FGF2: variants seen among roughly 807,000 people sequenced by gnomAD.
The protein encoded by FGF2 is basic fibroblast growth factor bFGF.
FGF2 carries 13 observed loss-of-function variants against 15.9 expected under a neutral mutation model. The ratio of observed to expected loss-of-function variants is 0.82; its 90% confidence interval spans 0.53 to 1.30. FGF2 has a LOEUF of 1.30. Among genes scored for constraint, FGF2 ranks in the 50% most tolerant of loss-of-function variants. The pLI is 0.00. For synonymous variants in FGF2, 90 were observed against 78.4 expected (o/e 1.15, Z -0.78); for missense variants, 163 against 196.9 (o/e 0.83, Z 1.03).
intron 1 of FGF2, among the ~76,000 whole-genome samples, chr4:122,860,232 A>G (rs561240748): frequency 1.6e-4 from 25 of 152,248 alleles, no homozygotes; most frequent in African/African-American, 5.5e-4. Context: ...TTTAATAACT[A>G]ACAGTTCTAA....
chr4:122,826,873 C>T lies in FGF2; in HGVS notation c.-302C>T, dbSNP rs537528863. On this transcript the variant is annotated 5_prime_UTR_variant, in exon 1 of 3. Coordinates refer to ENST00000644866, the MANE Select transcript of FGF2 (RefSeq NM_001361665.2). ...GGTGCCCGCGGTTGCAACGGGATCC[C>T]GGGCGCTGCAGCTTGGGAGGCGGCT... 1.3e-6 allele frequency: 2 copies of T among 1,522,300 alleles called. No individual in the cohort carries two copies. Among genetic ancestry groups the T allele is most frequent in the South Asian group, 1.2e-5 (1 of 81,642 alleles). The allele number at this position is 1,522,300 out of a possible 1,614,324, so 94.3% of individuals were successfully genotyped here.
intron 1 of FGF2, among the ~76,000 whole-genome samples, chr4:122,854,941 C>T (rs1329278138): frequency 1.3e-5 from 2 of 152,126 alleles, no homozygotes; most frequent in African/African-American, 4.8e-5. Flanking sequence ...AGCTTCCCTT[C>T]CCCACCCTGT....
chr4:122,838,103 G>T (rs531358406), intron 1 of FGF2, among the ~76,000 whole-genome samples: 1 of 152,260 alleles, frequency 6.6e-6, no homozygotes, highest in South Asian at 2.1e-4. Context: ...GAAGGTGTTG[G>T]ATTGAAAAAT....
chr4:122,836,739 A>G (rs562231161), intron 1 of FGF2, among the ~76,000 whole-genome samples: 2 of 152,250 alleles, frequency 1.3e-5, no homozygotes, highest in African/African-American at 4.8e-5. Flanking sequence ...TAAATACTAT[A>G]GTATGAGGCA....
intron 1 of FGF2, among the ~76,000 whole-genome samples, chr4:122,849,824 T>C (rs1726192149): frequency 6.6e-6 from 1 of 152,152 alleles, no homozygotes; most frequent in South Asian, 2.1e-4. Context: ...TAACCAGGGA[T>C]ATGCCCAAGT....
At chr4:122,847,541 C>G (rs975786689) in intron 1 of FGF2, among the ~76,000 whole-genome samples, 1 of 152,032 alleles carries the variant, frequency 6.6e-6, no homozygotes, top group Non-Finnish European at 1.5e-5. Flanking sequence ...CCTAGCAACT[C>G]GATTTTTAGG....
At chr4:122,849,887 A>G (rs1726192987) in intron 1 of FGF2, among the ~76,000 whole-genome samples, 1 of 152,218 alleles carries the variant, frequency 6.6e-6, no homozygotes, top group South Asian at 2.1e-4. Context: ...TATTGCTAAT[A>G]ACACCAGTTT....
chr4:122,829,623 G>C (rs1448472049), intron 1 of FGF2, among the ~76,000 whole-genome samples: 1 of 152,008 alleles, frequency 6.6e-6, no homozygotes, highest in Non-Finnish European at 1.5e-5. Flanking sequence ...GTTCTTTAGT[G>C]GTGATTTGTG....
intron 2 of FGF2, among the ~76,000 whole-genome samples, chr4:122,879,457 T>C (rs1176689202): frequency 6.6e-6 from 1 of 152,240 alleles, no homozygotes; most frequent in Admixed American, 6.5e-5. Context: ...TAACTAACTA[T>C]GGACAGCACT....
chr4:122,827,418 C>T lies in FGF2; in HGVS notation c.178+66C>T. 1 of 1,541,550 alleles carries T rather than the reference C, an allele frequency of 6.5e-7. No homozygotes were observed. Among genetic ancestry groups the T allele is most frequent in the African/African-American group, 1.4e-5 (1 of 73,514 alleles). On this transcript the variant is annotated intron_variant, in intron 1 of 2. Coordinates refer to ENST00000644866, the MANE Select transcript of FGF2 (RefSeq NM_001361665.2). This position sits in a 1 kb window ranked among gnomAD's most constrained non-coding sequence, Gnocchi z 4.2. ...TGGGTTCTCGCCCGCTCTCTCCCCT[C>T]CAGCCTGCACCCTCCTCCCGGATCT...
chr4:122,836,488 T>C (rs1038562337), intron 1 of FGF2, among the ~76,000 whole-genome samples: 1 of 152,234 alleles, frequency 6.6e-6, no homozygotes, highest in African/African-American at 2.4e-5. Flanking sequence ...TAGCTTGTTG[T>C]ATTTTAATTT....
intron 1 of FGF2, among the ~76,000 whole-genome samples, chr4:122,850,728 C>G (rs937261132): frequency 3.3e-5 from 5 of 152,124 alleles, no homozygotes; most frequent in Admixed American, 2.0e-4. Context: ...TCTTAGCGCT[C>G]TCTTCAGAGA....
In FGF2 at chr4:122,827,252, C is replaced by T. The variant is rs747774875; in HGVS notation, c.78C>T (p.Phe26=). 39 of 1,612,496 alleles carry T rather than the reference C, an allele frequency of 2.4e-5. 1 individual carries two copies. The highest frequency in any genetic ancestry group is 1.7e-4 in the Middle Eastern group (1 of 6,042). The change falls in exon 1 of 3, where the codon TTC becomes TTT. Residue 26 remains phenylalanine (F), a synonymous_variant. Transcript: ENST00000644866. This position sits in a 1 kb window ranked among gnomAD's most constrained non-coding sequence, Gnocchi z 4.2. The part of the protein sequence containing the change: ...GGSGAFPPGH[F]KDPKRLYCKN... ...GCGGCGCCTTCCCGCCCGGCCACTTCAAGGACCCCAAGCGGCTGTACTGCA... is the reference window on the plus strand; with the variant it reads ...GCGGCGCCTTCCCGCCCGGCCACTTTAAGGACCCCAAGCGGCTGTACTGCA...
chr4:122,875,326 T>G (rs1471632656), intron 1 of FGF2, among the ~76,000 whole-genome samples: 2 of 151,954 alleles, frequency 1.3e-5, no homozygotes, highest in Non-Finnish European at 2.9e-5. Flanking sequence ...GGATCTTATT[T>G]TATGAAAATC....
chr4:122,882,821 T>C (rs1436866867), intron 2 of FGF2: 1 of 152,320 alleles, frequency 6.6e-6, no homozygotes, highest in East Asian at 1.9e-4. Context: ...CTTGATGTCA[T>C]GCCTTTTCAG....
In FGF2 at chr4:122,896,548, C is replaced by CT. The variant is rs1560765057; in HGVS notation, c.*4153dup. 1 of 152,138 alleles carries CT rather than the reference C, an allele frequency of 6.6e-6. No homozygotes were observed. The highest frequency in any genetic ancestry group is 1.5e-5 in the Non-Finnish European group (1 of 68,020). 9.4% of individuals were successfully genotyped at this position (152,138 alleles called of 1,614,324 possible). Reference sequence around the variant, plus strand: ...ATTAGGCTGTAGAACAAATGGCCTTCTCTTTCAGCATTCACACCACTACAA... The same window carrying CT: ...ATTAGGCTGTAGAACAAATGGCCTTCTTCTTTCAGCATTCACACCACTACAA... On this transcript the variant is annotated 3_prime_UTR_variant, in exon 3 of 3. Coordinates refer to ENST00000644866, the MANE Select transcript of FGF2 (RefSeq NM_001361665.2).
intron 1 of FGF2, among the ~76,000 whole-genome samples, chr4:122,855,539 C>A (rs1477639541): frequency 6.6e-6 from 1 of 152,180 alleles, no homozygotes; most frequent in East Asian, 1.9e-4. Context: ...ATACTGACTT[C>A]CTCAAAGGCC....
At chr4:122,878,124 G>A (rs1726893704) in intron 2 of FGF2, among the ~76,000 whole-genome samples, 3 of 152,164 alleles carry the variant, frequency 2.0e-5, no homozygotes, top group South Asian at 4.1e-4. Context: ...TCCAGGGGAG[G>A]CAGAAGTGTA....
At chr4:122,887,607 C>A (rs1428842694) in intron 2 of FGF2, among the ~76,000 whole-genome samples, 2 of 152,220 alleles carry the variant, frequency 1.3e-5, no homozygotes, top group African/African-American at 4.8e-5. Context: ...TTTCATGCTA[C>A]ATTAGAGTCT....
Sources: gnomAD v4.1 joint callset for allele counts (sites outside exome capture counted in the v4.1 genomes callset) on GRCh38, gnomAD v4.1.1 for gene constraint, Gnocchi (gnomAD v3.1) non-coding constraint, MANE v1.5 for transcripts, NCBI Gene and HGNC (gene_info 2026-07-23, HGNC 2026-07-21) for gene names.